RGS7: variants seen among roughly 807,000 people sequenced by gnomAD.
RGS7 encodes the protein regulator of G-protein signaling 7.
RGS7 carries 27 observed loss-of-function variants against 81.1 expected under a neutral mutation model. The observed-to-expected ratio is 0.33, with a 90% CI of 0.25 to 0.46. The LOEUF is 0.46. Ranked by LOEUF, RGS7 falls within the 20% of genes least tolerant of loss-of-function variation. The pLI is 1.00. For missense variants in RGS7, 396 were observed against 607.4 expected (o/e 0.65, Z 3.66); for synonymous variants, 208 against 207.7 (o/e 1.00, Z -0.01).
intron 9 of RGS7, among the ~76,000 whole-genome samples, chr1:240,864,853 C>A (rs1254546708): frequency 6.6e-6 from 1 of 152,036 alleles, no homozygotes; most frequent in African/African-American, 2.4e-5. Context: ...GAACTGAAGA[C>A]AAAGGTTGTG....
intron 9 of RGS7, among the ~76,000 whole-genome samples, chr1:240,851,948 T>A (rs1330710762): frequency 6.6e-6 from 1 of 152,318 alleles, no homozygotes; most frequent in Admixed American, 6.5e-5. Flanking sequence ...CCGGTGAAGA[T>A]GGTGTGAACA....
chr1:241,022,554 T>C (rs2059593117), intron 3 of RGS7, among the ~76,000 whole-genome samples: 1 of 152,154 alleles, frequency 6.6e-6, no homozygotes, highest in African/African-American at 2.4e-5. Context: ...TCATCTGGTC[T>C]TATGGCCCCC....
chr1:240,775,360 A>T (rs376644464), downstream of RGS7, among the ~76,000 whole-genome samples: 85 of 152,352 alleles, frequency 5.6e-4, no homozygotes, highest in Middle Eastern at 6.8e-3. Context: ...AAATATTTCC[A>T]TCTGCCCCTG....
At chr1:240,913,268 A>G (rs532981506) in intron 6 of RGS7, among the ~76,000 whole-genome samples, 18 of 152,364 alleles carry the variant, frequency 1.2e-4, no homozygotes, top group Non-Finnish European at 2.2e-4. Flanking sequence ...TGCATACAGT[A>G]CATTTATATG....
In RGS7 at chr1:240,782,494, C is replaced by T. The variant is rs550544910; in HGVS notation, c.*7-6281G>A. 2.0e-5 allele frequency among the ~76,000 whole-genome samples: 3 copies of T among 152,300 alleles called. No homozygotes were observed. The East Asian group carries it at 5.8e-4, about 29-fold the overall frequency. ...TCAGAGTGCAGTGGTGTGACCATGACACACTGCAGCTTCGACCTCCCAGGC... is the reference window on the plus strand; with the variant it reads ...TCAGAGTGCAGTGGTGTGACCATGATACACTGCAGCTTCGACCTCCCAGGC... On this transcript the variant is annotated intron_variant, in intron 18 of 18. Coordinates refer to ENST00000440928, the MANE Select transcript of RGS7 (RefSeq NM_001364886.1).
At chr1:241,027,814 C>T (rs1297703962) in intron 3 of RGS7, among the ~76,000 whole-genome samples, 1 of 152,040 alleles carries the variant, frequency 6.6e-6, no homozygotes, top group Non-Finnish European at 1.5e-5. Flanking sequence ...ATTTGAAACA[C>T]ATATTAGATA....
chr1:241,007,286 G>A lies in RGS7; in HGVS notation c.176-24157C>T, dbSNP rs949316896. ...TACTTTATTATAAGAACACATTATC[G>A]TAAGAACACAGTGGTACTTTACTAC... is the stretch of plus-strand genomic sequence containing the variant. On this transcript the variant is annotated intron_variant, in intron 3 of 18. Coordinates refer to ENST00000440928, the MANE Select transcript of RGS7 (RefSeq NM_001364886.1). Among the ~76,000 whole-genome samples, 4 of 152,082 alleles carry A rather than the reference G, an allele frequency of 2.6e-5. No homozygotes were observed. The East Asian group carries it at 5.8e-4, about 22-fold the overall frequency.
intron 2 of RGS7, among the ~76,000 whole-genome samples, chr1:241,320,577 G>T (rs571553693): frequency 6.6e-6 from 1 of 152,164 alleles, no homozygotes; most frequent in East Asian, 1.9e-4. Context: ...CCCTAAAAAG[G>T]GTGAATGTTA....
chr1:241,141,233 A>G (rs190201890), intron 2 of RGS7, among the ~76,000 whole-genome samples: 1 of 152,292 alleles, frequency 6.6e-6, no homozygotes, highest in African/African-American at 2.4e-5. Flanking sequence ...AAAGGAATAA[A>G]GACTCATCTG....
intron 2 of RGS7, among the ~76,000 whole-genome samples, chr1:241,143,445 C>CA (rs2068073496): frequency 6.6e-6 from 1 of 152,162 alleles, no homozygotes; most frequent in Admixed American, 6.5e-5. Flanking sequence ...CAAGGAGGAG[C>CA]AAGTCATGTC....
intron 6 of RGS7, among the ~76,000 whole-genome samples, chr1:240,930,072 AACTGT>A (rs1283015211): frequency 6.6e-6 from 1 of 152,188 alleles, no homozygotes; most frequent in Non-Finnish European, 1.5e-5. Flanking sequence ...TGTCTTTGAA[AACTGT>A]ACTGTTCAGG....
chr1:241,307,142 TC>T (rs2080226554), intron 2 of RGS7, among the ~76,000 whole-genome samples: 1 of 152,200 alleles, frequency 6.6e-6, no homozygotes, highest in Non-Finnish European at 1.5e-5. Context: ...ATGCTCTTGT[TC>T]CCGCCCAATC....
chr1:240,802,405 T>G (rs2103056277), intron 16 of RGS7, among the ~76,000 whole-genome samples: 1 of 152,246 alleles, frequency 6.6e-6, no homozygotes, highest in Non-Finnish European at 1.5e-5. Flanking sequence ...ACAGGGATAT[T>G]AAGTGATTCA....
chr1:240,957,345 G>T (rs954323789), intron 4 of RGS7, among the ~76,000 whole-genome samples: 35 of 152,274 alleles, frequency 2.3e-4, no homozygotes, highest in Middle Eastern at 3.4e-3. Flanking sequence ...CACACTGAAG[G>T]CTGCACTGTC....
chr1:240,970,601 A>G (rs1683043418), intron 4 of RGS7, among the ~76,000 whole-genome samples: 1 of 152,208 alleles, frequency 6.6e-6, no homozygotes, highest in Non-Finnish European at 1.5e-5. Flanking sequence ...GACATCACAG[A>G]GCAACATGTG....
rs954755875 is a variant in RGS7 at position 240,993,687 on chromosome 1, GA to G, written c.176-10559del. Among the ~76,000 whole-genome samples, 203 of 141,506 alleles carry G rather than the reference GA, an allele frequency of 1.4e-3. 2 individuals are homozygous for G. The highest frequency in any genetic ancestry group is 2.4e-3 in the Non-Finnish European group (153 of 64,468). 92.8% of individuals were successfully genotyped at this position (141,506 alleles called of 152,430 possible). A position where few individuals can be genotyped will look rare whatever the true frequency, so the allele number is the denominator to read the frequency against. On this transcript the variant is annotated intron_variant, in intron 3 of 18. Coordinates refer to ENST00000440928, the MANE Select transcript of RGS7 (RefSeq NM_001364886.1). ...CACCCTCTTCACAAGGTCTTTTTCAGAAAAAAAAAAAGTTTTTAATTTGGAT... is the reference window on the plus strand; with the variant it reads ...CACCCTCTTCACAAGGTCTTTTTCAGAAAAAAAAAAGTTTTTAATTTGGAT...
At chr1:241,244,964 G>T (rs879799948) in intron 2 of RGS7, among the ~76,000 whole-genome samples, 1 of 138,782 alleles carries the variant, frequency 7.2e-6, no homozygotes, top group African/African-American at 2.7e-5. Context: ...TTGTAGGTTG[G>T]GGGGAGGGGG....
chr1:241,031,626 C>T (rs10802927), intron 3 of RGS7, among the ~76,000 whole-genome samples: 29,649 of 152,096 alleles, frequency 0.19, 3,971 homozygotes, highest in African/African-American at 0.37. Flanking sequence ...TCCACATCCT[C>T]GCCAACATCT....
At chr1:241,327,303 C>A (rs1205050684) in intron 2 of RGS7, among the ~76,000 whole-genome samples, 1 of 151,788 alleles carries the variant, frequency 6.6e-6, no homozygotes, top group Non-Finnish European at 1.5e-5. Context: ...AGGACACATG[C>A]CTATAGGAAA....
Sources: allele counts gnomAD v4.1 joint callset (sites outside exome capture counted in the v4.1 genomes callset), GRCh38; gene constraint gnomAD v4.1.1; transcripts MANE v1.5; gene names NCBI Gene and HGNC (gene_info 2026-07-23, HGNC 2026-07-21).